ATP8A1: variants seen among roughly 807,000 people sequenced by gnomAD.
ATP8A1 encodes phospholipid-transporting ATPase IA.
A neutral mutation model predicts 177.7 loss-of-function variants in ATP8A1; 90 were observed. The ratio of observed to expected loss-of-function variants is 0.51; its 90% confidence interval spans 0.43 to 0.60. ATP8A1 has a LOEUF of 0.60. ATP8A1 is among the 20% of genes least tolerant of loss of function. ATP8A1 has a pLI of 0.00. For missense variants in ATP8A1, 1,072 were observed against 1,392.8 expected, an observed-to-expected ratio of 0.77 and a Z score of 3.67; for synonymous variants, 493 against 485.9, an observed-to-expected ratio of 1.01 and a Z score of -0.19.
intron 25 of ATP8A1, among the ~76,000 whole-genome samples, chr4:42,479,996 T>TTGTGTATGTGTGTG (rs71200290): frequency 5.9e-5 from 8 of 135,590 alleles, no homozygotes; most frequent in Non-Finnish European, 9.3e-5. Context: ...GCAGTTCTGC[T>TTGTGTATGTGTGTG]TGTGTGTGTG....
At chr4:42,597,961 C>G (rs1734874008) in intron 6 of ATP8A1, among the ~76,000 whole-genome samples, 1 of 152,076 alleles carries the variant, frequency 6.6e-6, no homozygotes, top group African/African-American at 2.4e-5. Context: ...TTCTGGTTTA[C>G]TGTCAAGTTT....
At chr4:42,524,667 A>C (rs113100882) in intron 21 of ATP8A1, 96 bp downstream of exon 21, 87 of 670,900 alleles carry the variant, frequency 1.3e-4, no homozygotes, top group Non-Finnish European at 9.0e-5. Flanking sequence ...TACTTTAGGA[A>C]TCTCTAAGTC....
At chr4:42,480,288 A>T (rs953412230) in intron 25 of ATP8A1, among the ~76,000 whole-genome samples, 1 of 152,150 alleles carries the variant, frequency 6.6e-6, no homozygotes, top group African/African-American at 2.4e-5. Context: ...TGAGCAGATG[A>T]TTATTATGTT....
At chr4:42,601,374 GAAA>G (rs11435358) in intron 5 of ATP8A1, among the ~76,000 whole-genome samples, 1 of 145,044 alleles carries the variant, frequency 6.9e-6, no homozygotes, top group Non-Finnish European at 1.5e-5. Context: ...TTTCTGAAAA[GAAA>G]AAAAAAAGGC....
At chr4:42,454,008 T>C (rs1718214427) in intron 29 of ATP8A1, among the ~76,000 whole-genome samples, 1 of 152,184 alleles carries the variant, frequency 6.6e-6, no homozygotes, top group South Asian at 2.1e-4. Context: ...GATTTAAAAA[T>C]GAAAGCAGAG....
intron 4 of ATP8A1, among the ~76,000 whole-genome samples, chr4:42,617,795 G>C (rs539869411): frequency 2.0e-5 from 3 of 152,296 alleles, no homozygotes; most frequent in African/African-American, 7.2e-5. Flanking sequence ...TCTTGCACAA[G>C]AGCATCTCTT....
chr4:42,484,029 T>C (rs144182777), intron 25 of ATP8A1, among the ~76,000 whole-genome samples: 148 of 152,354 alleles, frequency 9.7e-4, no homozygotes, highest in African/African-American at 3.3e-3. Flanking sequence ...CTTGTGCTTT[T>C]GAGCAATCTT....
chr4:42,519,073 T>C (rs746786402), intron 22 of ATP8A1, among the ~76,000 whole-genome samples: 55 of 152,132 alleles, frequency 3.6e-4, no homozygotes, highest in Admixed American at 1.3e-3. Context: ...CAAAGATCCC[T>C]GTGTTATTTA....
chr4:42,502,906 G>A (rs1354349930), intron 24 of ATP8A1, among the ~76,000 whole-genome samples: 1 of 152,070 alleles, frequency 6.6e-6, no homozygotes, highest in Non-Finnish European at 1.5e-5. Context: ...ATTTTACACT[G>A]TATTCCTAAC....
At chr4:42,440,958 C>T (rs569003211) in intron 33 of ATP8A1, among the ~76,000 whole-genome samples, 1 of 152,162 alleles carries the variant, frequency 6.6e-6, no homozygotes, top group Non-Finnish European at 1.5e-5. Flanking sequence ...GCTGCCAAAT[C>T]AACACAGGAA....
intron 20 of ATP8A1, among the ~76,000 whole-genome samples, chr4:42,536,054 T>C (rs1170785398): frequency 6.6e-6 from 1 of 152,122 alleles, no homozygotes; most frequent in South Asian, 2.1e-4. Flanking sequence ...CTCAAGGAAC[T>C]AGGGGAACAA....
At chr4:42,563,378 G>T (rs910539094) in intron 15 of ATP8A1, among the ~76,000 whole-genome samples, 1 of 152,168 alleles carries the variant, frequency 6.6e-6, no homozygotes, top group Non-Finnish European at 1.5e-5. Flanking sequence ...AGGTGACTTG[G>T]GTGCTGTTAA....
rs935029050 is a variant in ATP8A1 at position 42,408,750 on chromosome 4, GT to G, written c.*4165del. The G allele has an allele frequency of 2.6e-5, 4 of 152,118 alleles. No homozygotes were observed. Among genetic ancestry groups the G allele is most frequent in the African/African-American group, 9.7e-5 (4 of 41,434 alleles). The allele number at this position is 152,118 out of a possible 1,614,324, so 9.4% of individuals were successfully genotyped here. A position where few individuals can be genotyped will look rare whatever the true frequency, so the allele number is the denominator to read the frequency against. On this transcript the variant is annotated 3_prime_UTR_variant, in exon 37 of 37. Transcript: ENST00000381668. ...TTCTTAACCTAATAAACTTGAAAATGTAAAAAATGACGATTAAAGTAGTTAA... is the reference window on the plus strand; with the variant it reads ...TTCTTAACCTAATAAACTTGAAAATGAAAAAATGACGATTAAAGTAGTTAA...
intron 33 of ATP8A1, among the ~76,000 whole-genome samples, chr4:42,436,805 G>A (rs974901570): frequency 3.3e-5 from 5 of 152,154 alleles, no homozygotes; most frequent in African/African-American, 7.2e-5. Flanking sequence ...CACATGCTAC[G>A]GAGGTAATTA....
intron 22 of ATP8A1, among the ~76,000 whole-genome samples, chr4:42,518,228 AATT>A (rs1169501323): frequency 3.3e-5 from 5 of 152,226 alleles, no homozygotes; most frequent in African/African-American, 1.2e-4. Flanking sequence ...TTTTGTACTA[AATT>A]ATTATTTTAG....
chr4:42,494,678 C>T (rs1723088701), intron 24 of ATP8A1, among the ~76,000 whole-genome samples: 2 of 152,162 alleles, frequency 1.3e-5, no homozygotes, highest in Non-Finnish European at 2.9e-5. Flanking sequence ...ATATAACTAA[C>T]CACTGATTTT....
intron 20 of ATP8A1, among the ~76,000 whole-genome samples, chr4:42,534,431 G>A (rs1427075545): frequency 6.6e-6 from 1 of 151,994 alleles, no homozygotes; most frequent in African/African-American, 2.4e-5. Flanking sequence ...CAAAGACAGG[G>A]CTTTTAAATT....
At chr4:42,521,153 C>T (rs773241482) in intron 22 of ATP8A1, among the ~76,000 whole-genome samples, 33 of 152,038 alleles carry the variant, frequency 2.2e-4, no homozygotes, top group East Asian at 1.9e-4. Context: ...TCAAGTAAAC[C>T]GCAGCGGACA....
intron 24 of ATP8A1, among the ~76,000 whole-genome samples, chr4:42,498,981 A>G (rs1198199111): frequency 1.3e-5 from 2 of 152,316 alleles, no homozygotes; most frequent in East Asian, 3.9e-4. Context: ...TATAACATAT[A>G]AATTAATAGT....
Sources: gnomAD v4.1 joint callset for allele counts (sites outside exome capture counted in the v4.1 genomes callset) on GRCh38, gnomAD v4.1.1 for gene constraint, MANE v1.5 for transcripts, NCBI Gene and HGNC (gene_info 2026-07-23, HGNC 2026-07-21) for gene names.